The following APAF1 variants were observed in gnomAD, a reference collection of about 807,000 sequenced individuals.
APAF1 encodes apoptotic protease-activating factor 1.
In APAF1, 91 loss-of-function variants were observed where a neutral mutation model predicts 152.4. The ratio of observed to expected loss-of-function variants is 0.60; its 90% CI spans 0.50 to 0.71. APAF1 has a LOEUF of 0.71. Among genes scored for constraint, APAF1 ranks in the 30% least tolerant of loss-of-function variants. The pLI is 0.00. For synonymous variants in APAF1, 484 were observed against 494.1 expected (o/e 0.98, Z 0.27); for missense variants, 1,283 against 1,472.0 (o/e 0.87, Z 2.10).
At chr12:98,681,068 C>T (rs1442661312) in intron 14 of APAF1, among the ~76,000 whole-genome samples, 1 of 152,032 alleles carries the variant, frequency 6.6e-6, no homozygotes, top group Non-Finnish European at 1.5e-5. Flanking sequence ...GTAATTTTTA[C>T]TTATTTATTT....
intron 14 of APAF1, 66 bp downstream of exon 14, chr12:98,680,468 G>A: frequency 6.6e-7 from 1 of 1,518,858 alleles, no homozygotes; most frequent in Non-Finnish European, 9.0e-7. Flanking sequence ...CCATGATCAT[G>A]AGACCAGAGT....
At position 98,686,902 on chromosome 12, in the gene APAF1, T is replaced by C. The variant is rs1021610998; in HGVS notation, c.2304+29T>C. 1.9e-6 allele frequency: 3 copies of C among 1,603,290 alleles called. No individual in the cohort carries two copies. In the African/African-American group the frequency reaches 4.0e-5, roughly 21 times the overall value. Reference sequence around the variant, plus strand: ...TGCTTTTGTACACTATTAAAATAGGTTGTATTTTATGGAAAGTCTTATGAT... The same window carrying C: ...TGCTTTTGTACACTATTAAAATAGGCTGTATTTTATGGAAAGTCTTATGAT... On this transcript the variant is annotated intron_variant, in intron 16 of 26. Coordinates refer to ENST00000551964, the MANE Select transcript of APAF1 (RefSeq NM_181861.2).
rs1593104704 is a variant in APAF1, at chr12:98,715,344, A to G, written c.2959-83A>G. On this transcript the variant is annotated intron_variant, in intron 21 of 26. Coordinates refer to ENST00000551964, the MANE Select transcript of APAF1 (RefSeq NM_181861.2). The stretch of plus-strand genomic sequence containing the variant: ...ATGGAAATTCTGTACCCTCCAGTCT[A>G]ATTTTAGTTTAATATCTTTGGGGTG... The G allele has an allele frequency of 1.1e-5, 15 of 1,353,512 alleles. No homozygotes were observed. The East Asian group carries it at 3.6e-4, about 32-fold the overall frequency. The allele number at this position is 1,353,512 out of a possible 1,614,324, so 83.8% of individuals were successfully genotyped here. A position where few individuals can be genotyped will look rare whatever the true frequency, so the allele number is the denominator to read the frequency against.
rs2097661757 is a variant in APAF1, at chr12:98,659,326, G to GCTT, written c.695_697dup (p.Leu232dup). 1 of 1,614,160 alleles carries GCTT rather than the reference G, an allele frequency of 6.2e-7. No individual in the cohort carries two copies. On this transcript the variant is annotated inframe_insertion, in exon 5 of 27. Coordinates refer to ENST00000551964, the MANE Select transcript of APAF1 (RefSeq NM_181861.2). ...CTAAAGACCGTCTCCGCATTCTGAT[G>GCTT]CTTCGCAAACACCCAAGGTACCGAT...
chr12:98,702,471 A>G (rs901838967), intron 17 of APAF1, among the ~76,000 whole-genome samples: 12 of 152,176 alleles, frequency 7.9e-5, no homozygotes, highest in Admixed American at 5.2e-4. Context: ...GTAAATAAAA[A>G]TCATCTTATT....
At chr12:98,652,951 T>C (rs991894218) in intron 4 of APAF1, among the ~76,000 whole-genome samples, 1 of 152,168 alleles carries the variant, frequency 6.6e-6, no homozygotes, top group Non-Finnish European at 1.5e-5. Context: ...ATACCTTATT[T>C]TAATTTGCCA....
chr12:98,677,033 A>C (rs1003439257), intron 12 of APAF1, among the ~76,000 whole-genome samples: 1 of 152,218 alleles, frequency 6.6e-6, no homozygotes, highest in Non-Finnish European at 1.5e-5. Flanking sequence ...TTTATTTTAA[A>C]AAAGAGATGG....
intron 7 of APAF1, among the ~76,000 whole-genome samples, chr12:98,664,989 C>G (rs1364860630): frequency 2.6e-5 from 4 of 151,998 alleles, no homozygotes; most frequent in Non-Finnish European, 5.9e-5. Context: ...GATTTTTTCA[C>G]TATTCTAAGT....
chr12:98,727,243 A>C lies in APAF1; in HGVS notation c.3527A>C (p.His1176Pro), dbSNP rs773754048. The change falls in exon 26 of 27, where the codon CAT (histidine) becomes CCT (proline). Residue 1176 changes from histidine to proline, a missense_variant. His to Pro is a moderately conservative substitution (Grantham distance 77). Coordinates refer to ENST00000551964, the MANE Select transcript of APAF1 (RefSeq NM_181861.2). The part of the protein sequence containing the change: ...APLSEEGAAT[H>P]GGWVTDLCFS... ...CTTTCAGAAGAAGGAGCTGCTACCC[A>C]TGGAGGCTGGGTGACTGACCTTTGC... The C allele has an allele frequency of 5.6e-6, 9 of 1,614,218 alleles. No individual in the cohort carries two copies. The East Asian group carries it at 1.8e-4, about 32-fold the overall frequency.
intron 16 of APAF1, among the ~76,000 whole-genome samples, chr12:98,688,417 C>G (rs1414571170): frequency 4.0e-5 from 6 of 151,658 alleles, no homozygotes; most frequent in Admixed American, 3.9e-4. Context: ...TTCTGCATCT[C>G]TTCTTATCTA....
chr12:98,674,047 G>A (rs889399170), intron 12 of APAF1, among the ~76,000 whole-genome samples: 3 of 151,990 alleles, frequency 2.0e-5, no homozygotes, highest in African/African-American at 7.3e-5. Context: ...TTTAGGTTGA[G>A]TGCAGTGGTA....
chr12:98,678,838 C>T (rs1004980245), intron 13 of APAF1, among the ~76,000 whole-genome samples: 24 of 152,338 alleles, frequency 1.6e-4, no homozygotes, highest in Admixed American at 4.6e-4. Context: ...AGCCCCCTGC[C>T]GCCTCGGCCC....
At chr12:98,659,854 C>T (rs1050655262) in intron 5 of APAF1, among the ~76,000 whole-genome samples, 3 of 151,602 alleles carry the variant, frequency 2.0e-5, no homozygotes, top group African/African-American at 4.8e-5. Context: ...GGCTGCCACT[C>T]GGCCTAAAAT....
At chr12:98,680,872 T>C (rs1294752805) in intron 14 of APAF1, among the ~76,000 whole-genome samples, 1 of 152,196 alleles carries the variant, frequency 6.6e-6, no homozygotes, top group African/African-American at 2.4e-5. Context: ...TTTGAGTGCA[T>C]TGTGATTAGG....
At chr12:98,671,210 T>G in intron 11 of APAF1, 124 bp downstream of exon 11, 1 of 712,032 alleles carries the variant, frequency 1.4e-6, no homozygotes, top group Non-Finnish European at 2.4e-6. Flanking sequence ...CCTCCTTTGA[T>G]TTTTGGTTAT....
Position 98,698,311 on chromosome 12 carries a change from C to T in APAF1, c.2305-1097C>T, listed in dbSNP as rs556612460. Among the ~76,000 whole-genome samples, 6 of 152,284 alleles carry T rather than the reference C, an allele frequency of 3.9e-5. No homozygotes were observed. In the South Asian group the frequency reaches 1.2e-3, roughly 32 times the overall value. ...CAAGTGATCCTCCCACCTTGGCTTC[C>T]CAAAGTGCTGGGATTACAGGTGTGA... On this transcript the variant is annotated intron_variant, in intron 16 of 26. Coordinates refer to ENST00000551964, the MANE Select transcript of APAF1 (RefSeq NM_181861.2).
In APAF1 at chr12:98,648,609, T is replaced by C. The variant is rs1174150436; in HGVS notation, c.139-17T>C. The C allele has an allele frequency of 3.1e-6, 5 of 1,612,612 alleles. No homozygotes were observed. The highest frequency in any genetic ancestry group is 4.2e-6 in the Non-Finnish European group (5 of 1,179,490). On this transcript the variant is annotated splice_polypyrimidine_tract_variant and intron_variant, in intron 2 of 26. Transcript: ENST00000551964. ...ACATATTCATTGTTGTATACTAAAC[T>C]ACTTAATTTTTTTTAGCCCACTCAA... is the stretch of plus-strand genomic sequence containing the variant.
At chr12:98,675,291 C>CTATA (rs1463337512) in intron 12 of APAF1, among the ~76,000 whole-genome samples, 1 of 152,162 alleles carries the variant, frequency 6.6e-6, no homozygotes, top group East Asian at 1.9e-4. Context: ...GGGCCATCTA[C>CTATA]TATATATCCT....
intron 21 of APAF1, 64 bp downstream of exon 21, chr12:98,712,499 G>T: frequency 1.0e-6 from 1 of 953,338 alleles, no homozygotes; most frequent in East Asian, 2.4e-5. Flanking sequence ...TATATGTCTG[G>T]CATTGTGCAC....
Sources: allele counts gnomAD v4.1 joint callset (sites outside exome capture counted in the v4.1 genomes callset), GRCh38; gene constraint gnomAD v4.1.1; transcripts MANE v1.5; gene names NCBI Gene and HGNC (gene_info 2026-07-23, HGNC 2026-07-21).